Variants in INPP5A observed in about 807,000 individuals in gnomAD.
The protein encoded by INPP5A is 43 kDa inositol polyphosphate 5-phophatase.
INPP5A carries 14 observed loss-of-function variants against 65.2 expected under a neutral mutation model. That is an observed-to-expected ratio of 0.21 (90% CI 0.14 to 0.34). The LOEUF is 0.34. Among genes scored for constraint, INPP5A ranks in the 10% least tolerant of loss-of-function variants. The pLI, the probability that INPP5A is intolerant of heterozygous loss-of-function variation, is 1.00. For missense variants in INPP5A, 431 were observed against 545.6 expected (o/e 0.79, Z 2.09); for synonymous variants, 207 against 208.3 (o/e 0.99, Z 0.05).
chr10:132,708,974 G>A (rs1364002872), intron 7 of INPP5A, among the ~76,000 whole-genome samples: 1 of 151,994 alleles, frequency 6.6e-6, no homozygotes, highest in Non-Finnish European at 1.5e-5. Flanking sequence ...TTCTTTTCAT[G>A]GATTTTCCAA....
chr10:132,614,482 T>G (rs1449690743), intron 2 of INPP5A, among the ~76,000 whole-genome samples: 2 of 152,042 alleles, frequency 1.3e-5, no homozygotes, highest in African/African-American at 4.8e-5. Context: ...AATAAATAGA[T>G]AAACAAAGCT....
chr10:132,714,032 TCG>T (rs1372716757), intron 8 of INPP5A, among the ~76,000 whole-genome samples: 1 of 152,114 alleles, frequency 6.6e-6, no homozygotes, highest in Middle Eastern at 3.2e-3. Context: ...ACCAAGCGTC[TCG>T]GGGACCTCCC....
chr10:132,553,440 C>T (rs1240879426), intron 1 of INPP5A, among the ~76,000 whole-genome samples: 1 of 135,836 alleles, frequency 7.4e-6, no homozygotes, highest in Non-Finnish European at 1.6e-5. Context: ...GACTGGTGAA[C>T]GCCTTCTCAG....
intron 8 of INPP5A, among the ~76,000 whole-genome samples, chr10:132,723,661 TGTGTGGGGATTGGCC>T (rs1314243602): frequency 4.0e-5 from 5 of 125,110 alleles, no homozygotes; most frequent in African/African-American, 9.4e-5. Flanking sequence ...GGGGATTGGC[TGTGTGGGGATTGGCC>T]GTGTGGGGAT....
At position 132,675,038 on chromosome 10, in the gene INPP5A, T is replaced by C. The variant is rs2072944931; in HGVS notation, c.307-15354T>C. 6.6e-6 allele frequency among the ~76,000 whole-genome samples: 1 copy of C among 152,214 alleles called. No individual in the cohort carries two copies. Among genetic ancestry groups the C allele is most frequent in the Admixed American group, 6.5e-5 (1 of 15,288 alleles). ...AGCAGCCTGGACCTGTTGCAGAGCC[T>C]ACTCCTCTTCTGGACCCCCTCAGTC... On this transcript the variant is annotated intron_variant, in intron 4 of 15. Transcript: ENST00000368594. This position sits in a 1 kb window ranked among gnomAD's most constrained non-coding sequence, Gnocchi z 4.2.
chr10:132,579,766 A>G (rs972375337), intron 1 of INPP5A, among the ~76,000 whole-genome samples: 3 of 151,738 alleles, frequency 2.0e-5, no homozygotes, highest in African/African-American at 7.3e-5. Flanking sequence ...GGAGAGGAGA[A>G]GCCCGGAAGA....
chr10:132,775,438 C>T (rs1048760359), intron 12 of INPP5A, among the ~76,000 whole-genome samples: 5 of 152,110 alleles, frequency 3.3e-5, no homozygotes, highest in Non-Finnish European at 5.9e-5. Flanking sequence ...TGCTCTGCAG[C>T]GTGGCCCCGC....
At chr10:132,612,603 A>T (rs2071975397) in intron 2 of INPP5A, among the ~76,000 whole-genome samples, 1 of 152,050 alleles carries the variant, frequency 6.6e-6, no homozygotes, top group Non-Finnish European at 1.5e-5. Context: ...GTTTGGGCTG[A>T]GGCCCGGTTC....
At chr10:132,771,989 GACA>G (rs1307717366) in intron 12 of INPP5A, among the ~76,000 whole-genome samples, 60 of 1,182 alleles carry the variant, frequency 0.051, 25 homozygotes, top group South Asian at 0.11. Context: ...CGAGGAGTGG[GACA>G]GACACTCAGC....
chr10:132,588,859 C>T (rs2819722), intron 1 of INPP5A, among the ~76,000 whole-genome samples: 34,852 of 147,682 alleles, frequency 0.24, 4,793 homozygotes, highest in East Asian at 0.47. Context: ...GGTGTGGTCC[C>T]GCGTTCTGTG....
At chr10:132,588,342 C>T (rs569946758) in intron 1 of INPP5A, among the ~76,000 whole-genome samples, 9 of 152,236 alleles carry the variant, frequency 5.9e-5, no homozygotes, top group South Asian at 2.1e-4. Flanking sequence ...CTGTCCTACT[C>T]GGGAGACGCA....
chr10:132,603,272 C>T lies in INPP5A; in HGVS notation c.76-4643C>T, dbSNP rs536197318. Among the ~76,000 whole-genome samples, 2 of 152,302 alleles carry T rather than the reference C, an allele frequency of 1.3e-5. No homozygotes were observed. Among genetic ancestry groups the T allele is most frequent in the East Asian group, 1.9e-4 (1 of 5,186 alleles). On this transcript the variant is annotated intron_variant, in intron 1 of 15. Transcript: ENST00000368594. The surrounding 1 kb of genome is among the most constrained non-coding windows in gnomAD (Gnocchi z 4.2). ...GCTGTATAGCAAACACGCTAAAGAT[C>T]ATCTCAGTTTTTTAGTACTTCTCAC...
rs1196354803 is a variant in INPP5A, at chr10:132,753,142, G to A, written c.903+3297G>A. Among the ~76,000 whole-genome samples the A allele has an allele frequency of 6.6e-6, 1 of 152,170 alleles. No individual in the cohort carries two copies. The highest frequency in any genetic ancestry group is 1.5e-5 in the Non-Finnish European group (1 of 68,028). On this transcript the variant is annotated intron_variant, in intron 11 of 15. Coordinates refer to ENST00000368594, the MANE Select transcript of INPP5A (RefSeq NM_005539.5). The surrounding 1 kb of genome is among the most constrained non-coding windows in gnomAD (Gnocchi z 5.3). ...GACGGCACCTTCGGGAACGCCCCAT[G>A]GGTTCCTGCTGACCCGGGTGCCCTC...
chr10:132,611,651 T>A (rs1272648301), intron 2 of INPP5A, among the ~76,000 whole-genome samples: 49 of 28,384 alleles, frequency 1.7e-3, no homozygotes, highest in African/African-American at 2.1e-3. Context: ...GGAGGTGAGG[T>A]GGGCAGGGGA....
intron 2 of INPP5A, among the ~76,000 whole-genome samples, chr10:132,612,270 G>A (rs1032928909): frequency 1.3e-5 from 2 of 151,786 alleles, no homozygotes; most frequent in African/African-American, 2.4e-5. Flanking sequence ...CAGGGGAGAG[G>A]CCTTGTCAGA....
chr10:132,729,116 G>C (rs1431382354), intron 9 of INPP5A, among the ~76,000 whole-genome samples: 1 of 152,142 alleles, frequency 6.6e-6, no homozygotes, highest in African/African-American at 2.4e-5. Context: ...GTGGGGCGTT[G>C]GGCAACTCCT....
At chr10:132,569,794 G>A (rs567980777) in intron 1 of INPP5A, among the ~76,000 whole-genome samples, 3 of 149,148 alleles carry the variant, frequency 2.0e-5, no homozygotes, top group East Asian at 2.0e-4. Flanking sequence ...GTGAGCCACC[G>A]CACTGGGCCC....
rs941518844 is a variant in INPP5A, at chr10:132,782,098, T to C, written c.*69T>C. 6.5e-7 allele frequency: 1 copy of C among 1,538,260 alleles called. No homozygotes were observed. Among genetic ancestry groups the C allele is most frequent in the South Asian group, 1.2e-5 (1 of 83,680 alleles). The stretch of plus-strand genomic sequence containing the variant: ...AGCCTCCCTGTAGCCGTGGACCGAA[T>C]ACGCACTCTTGAAAGCTGCATCGAG... On this transcript the variant is annotated 3_prime_UTR_variant, in exon 16 of 16. Transcript: ENST00000368594. This position sits in a 1 kb window ranked among gnomAD's most constrained non-coding sequence, Gnocchi z 4.4.
chr10:132,753,488 C>T lies in INPP5A; in HGVS notation c.903+3643C>T, dbSNP rs1231257286. Among the ~76,000 whole-genome samples, 2 of 152,220 alleles carry T rather than the reference C, an allele frequency of 1.3e-5. No homozygotes were observed. The highest frequency in any genetic ancestry group is 4.8e-5 in the African/African-American group (2 of 41,450). ...TAAGAGTAGTAATCATTGGCCGGGA[C>T]ATGATTGAATGTGTCCATGCCTATT... On this transcript the variant is annotated intron_variant, in intron 11 of 15. Coordinates refer to ENST00000368594, the MANE Select transcript of INPP5A (RefSeq NM_005539.5). The surrounding 1 kb of genome is among the most constrained non-coding windows in gnomAD (Gnocchi z 5.3).
Sources: gnomAD v4.1 joint callset for allele counts (sites outside exome capture counted in the v4.1 genomes callset) on GRCh38, gnomAD v4.1.1 for gene constraint, Gnocchi (gnomAD v3.1) non-coding constraint, MANE v1.5 for transcripts, NCBI Gene and HGNC (gene_info 2026-07-23, HGNC 2026-07-21) for gene names.